Variants in VNN2 observed in about 807,000 individuals in gnomAD.
VNN2 encodes the protein pantetheine hydrolase VNN2.
In VNN2, 43 loss-of-function variants were observed where a neutral mutation model predicts 43.0. The observed-to-expected ratio is 1.00, with a 90% CI of 0.78 to 1.29. VNN2 has a LOEUF of 1.29. Ranked by LOEUF, VNN2 falls within the 50% of genes most tolerant of loss-of-function variation. The pLI, the probability that VNN2 is intolerant of heterozygous loss-of-function variation, is 0.00. For missense variants in VNN2, 652 were observed against 619.7 expected (o/e 1.05, Z -0.55); for synonymous variants, 230 against 224.3 (o/e 1.03, Z -0.23).
intron 6 of VNN2, among the ~76,000 whole-genome samples, chr6:132,746,555 GC>G (rs1449347277): frequency 2.2e-4 from 33 of 151,830 alleles, no homozygotes; most frequent in Non-Finnish European, 4.6e-4. Context: ...CTTTTTTTTG[GC>G]TCTTTTTGAG....
intron 6 of VNN2, among the ~76,000 whole-genome samples, chr6:132,747,930 T>C (rs890002023): frequency 6.6e-6 from 1 of 152,236 alleles, no homozygotes; most frequent in African/African-American, 2.4e-5. Context: ...AGCATTTTTT[T>C]GTCCTTCTCC....
At chr6:132,761,963 AAGTG>A (rs1292184547), upstream of VNN2, among the ~76,000 whole-genome samples, 1 of 152,226 alleles carries the variant, frequency 6.6e-6, no homozygotes, top group Non-Finnish European at 1.5e-5. Flanking sequence ...TAATTAACAA[AAGTG>A]AGTGACTATT....
At chr6:132,749,251 G>A (rs1025943840) in intron 6 of VNN2, among the ~76,000 whole-genome samples, 5 of 152,116 alleles carry the variant, frequency 3.3e-5, no homozygotes, top group African/African-American at 1.2e-4. Flanking sequence ...TTCCTGTGTT[G>A]ATGCAACATT....
chr6:132,747,610 C>G (rs1415418115), intron 6 of VNN2, among the ~76,000 whole-genome samples: 1 of 151,880 alleles, frequency 6.6e-6, no homozygotes, highest in Non-Finnish European at 1.5e-5. Context: ...CAGCGAGACG[C>G]CATCTCAAAT....
intron 5 of VNN2, 99 bp from the exon 6 acceptor site, chr6:132,749,964 A>T: frequency 8.6e-7 from 1 of 1,157,316 alleles, no homozygotes; most frequent in Non-Finnish European, 1.2e-6. Context: ...AGCAAACATT[A>T]TCTTTCTCTG....
rs115222374 is a variant in VNN2, at chr6:132,748,561, T to C, written c.1371+1134A>G. Among the ~76,000 whole-genome samples, 391 of 152,352 alleles carry C rather than the reference T, an allele frequency of 2.6e-3. 7 individuals carry two copies. Among genetic ancestry groups the C allele is most frequent in the African/African-American group, 9.0e-3 (376 of 41,578 alleles). On this transcript the variant is annotated intron_variant, in intron 6 of 6. Transcript: ENST00000326499. ...AACTTGGACCCTATTTTATAGAATA[T>C]GCAATGATTTCACCCTAGTTACTGA...
intron 4 of VNN2, 42 bp from the exon 5 acceptor site, chr6:132,751,560 C>T: frequency 6.4e-7 from 1 of 1,550,584 alleles, no homozygotes. Context: ...ACACCACACA[C>T]AAAAAAACCA....
At chr6:132,754,660 C>A (rs1780345784) in intron 3 of VNN2, among the ~76,000 whole-genome samples, 1 of 152,178 alleles carries the variant, frequency 6.6e-6, no homozygotes. Context: ...CTTTCTCTAC[C>A]TAGTTTAGTA....
At chr6:132,749,914 C>A (rs761223652) in intron 5 of VNN2, 49 bp from the exon 6 acceptor site, 1 of 1,522,836 alleles carries the variant, frequency 6.6e-7, no homozygotes, top group Non-Finnish European at 8.9e-7. Context: ...ATTGAAGTTA[C>A]TCATACCAGA....
upstream of VNN2, among the ~76,000 whole-genome samples, chr6:132,761,941 C>T (rs1022185019): frequency 9.2e-5 from 14 of 152,114 alleles, no homozygotes; most frequent in South Asian, 2.1e-4. Flanking sequence ...AAGACTACAA[C>T]GCAGATGACA....
At chr6:132,754,701 CT>C (rs1780347274) in intron 3 of VNN2, among the ~76,000 whole-genome samples, 1 of 152,034 alleles carries the variant, frequency 6.6e-6, no homozygotes, top group Admixed American at 6.5e-5. Context: ...TATTTGATTC[CT>C]TTTTTCAATT....
chr6:132,751,644 T>C (rs989720621), intron 4 of VNN2, 126 bp from the exon 5 acceptor site: 3 of 1,098,576 alleles, frequency 2.7e-6, no homozygotes, highest in Non-Finnish European at 2.5e-6. Context: ...AGAGGATACA[T>C]GCTTCTAATT....
intron 6 of VNN2, among the ~76,000 whole-genome samples, chr6:132,746,689 T>TTTAATTCTGCACTCACAAAAC (rs1375359454): frequency 3.9e-5 from 6 of 152,176 alleles, no homozygotes; most frequent in Non-Finnish European, 5.9e-5. Context: ...CTCCTTTTGT[T>TTTAATTCTGCACTCACAAAAC]TTAATTCTGC....
At chr6:132,761,651 C>A (rs1780742450), upstream of VNN2, among the ~76,000 whole-genome samples, 1 of 152,086 alleles carries the variant, frequency 6.6e-6, no homozygotes, top group Non-Finnish European at 1.5e-5. Context: ...CAGAGTGAGA[C>A]TCTGTCTCAA....
upstream of VNN2, among the ~76,000 whole-genome samples, chr6:132,761,430 C>G (rs549306907): frequency 1.3e-5 from 2 of 151,312 alleles, no homozygotes; most frequent in South Asian, 2.1e-4. Flanking sequence ...GAGGCCGAGG[C>G]GGGCGAATTA....
At chr6:132,746,508 A>G (rs1235748525) in intron 6 of VNN2, among the ~76,000 whole-genome samples, 1 of 152,048 alleles carries the variant, frequency 6.6e-6, no homozygotes, top group Non-Finnish European at 1.5e-5. Flanking sequence ...TCTCTAGAGA[A>G]AAGAAGCACT....
rs773751523 is a variant in VNN2 at position 132,757,761 on chromosome 6, T to C, written c.123A>G (p.Thr41=). Residue 41 remains threonine (T), a synonymous_variant, in exon 1 of 7, where the codon ACA becomes ACG. Transcript: ENST00000326499. ...CATCCTCCTGAGAAACTGGTGTTTC[T>C]GTTTTATTTGGCAAAATGACAGCAT... ...YEHAVILPNK[T]ETPVSQEDAL... is the part of the protein sequence containing the mutation. 8 of 1,614,200 alleles carry C rather than the reference T, an allele frequency of 5.0e-6. No homozygotes were observed. The highest frequency in any genetic ancestry group is 2.2e-5 in the East Asian group (1 of 44,882).
At chr6:132,760,347 G>A (rs929035440), upstream of VNN2, among the ~76,000 whole-genome samples, 2 of 151,882 alleles carry the variant, frequency 1.3e-5, no homozygotes, top group South Asian at 4.2e-4. Flanking sequence ...GCTAATTTTT[G>A]TTATTTTTTG....
chr6:132,745,707 G>A (rs1779676065), intron 6 of VNN2, among the ~76,000 whole-genome samples: 1 of 152,210 alleles, frequency 6.6e-6, no homozygotes. Context: ...GGAAGGTGGA[G>A]ATCAGACTGT....
Sources: allele counts gnomAD v4.1 joint callset (sites outside exome capture counted in the v4.1 genomes callset), GRCh38; gene constraint gnomAD v4.1.1; transcripts MANE v1.5; gene names NCBI Gene and HGNC (gene_info 2026-07-23, HGNC 2026-07-21).